LIN37: variants seen among roughly 807,000 people sequenced by gnomAD.
LIN37 encodes the protein protein lin-37 homolog.
In LIN37, 21 loss-of-function variants were observed where a neutral mutation model predicts 38.0. The observed-to-expected ratio is 0.55, with a 90% CI of 0.39 to 0.80. The LOEUF (loss-of-function observed/expected upper bound fraction) is 0.80, where lower values mean the gene tolerates loss of function less well. Ranked by LOEUF, LIN37 falls within the 30% of genes least tolerant of loss-of-function variation. LIN37 has a pLI of 0.00. For missense variants in LIN37, 273 were observed against 338.5 expected, an observed-to-expected ratio of 0.81 and a Z score of 1.52; for synonymous variants, 126 against 122.9, an observed-to-expected ratio of 1.03 and a Z score of -0.17.
intron 1 of LIN37, among the ~76,000 whole-genome samples, chr19:35,749,761 C>T (rs1329971062): frequency 1.4e-5 from 2 of 146,372 alleles, no homozygotes; most frequent in Non-Finnish European, 3.0e-5. Flanking sequence ...GCTGAGATCA[C>T]ACCACTGCAC....
Position 35,752,216 on chromosome 19 carries a change from C to T in LIN37, c.75C>T (p.Val25=), listed in dbSNP as rs1222056391. 1 of 1,607,180 alleles carries T rather than the reference C, an allele frequency of 6.2e-7. No individual in the cohort carries two copies. Among genetic ancestry groups the T allele is most frequent in the Non-Finnish European group, 8.5e-7 (1 of 1,176,890 alleles). ...MAKARNQLDA[V]LQCLLEKSHM... ...AAGCCCGGAACCAACTGGATGCTGT[C>T]TTGCAGTGTCTGCTGGAGAAGAGTC... Residue 25 remains valine (V), a synonymous_variant, in exon 2 of 9, where the codon GTC becomes GTT. Transcript: ENST00000301159.
Position 35,752,257 on chromosome 19 carries a change from CCA to C in LIN37, c.110+7_110+8del, listed in dbSNP as rs1970688704. On this transcript the variant is annotated splice_region_variant and intron_variant, in intron 2 of 8. Coordinates refer to ENST00000301159, the MANE Select transcript of LIN37 (RefSeq NM_019104.3). ...GAGAAGAGTCACATGGACAGGTAGGCCAGCGTGGGGTCACAGGGCCGGGCACC... is the reference window on the plus strand; with the variant it reads ...GAGAAGAGTCACATGGACAGGTAGGCGCGTGGGGTCACAGGGCCGGGCACC... The C allele has an allele frequency of 6.2e-7, 1 of 1,603,220 alleles. No homozygotes were observed. Among genetic ancestry groups the C allele is most frequent in the Non-Finnish European group, 8.5e-7 (1 of 1,174,816 alleles).
At chr19:35,753,354 C>G (rs976455249) in intron 6 of LIN37, 101 bp downstream of exon 6, 4 of 1,339,892 alleles carry the variant, frequency 3.0e-6, no homozygotes, top group Admixed American at 2.0e-5. Context: ...TAGACAGACA[C>G]AGGTCCCTCA....
Position 35,753,114 on chromosome 19 carries a change from G to A in LIN37, c.305G>A (p.Arg102Gln), listed in dbSNP as rs567934409. Residue 102 changes from arginine to glutamine, a missense_variant, in exon 6 of 9, where the codon CGG becomes CAG. Physicochemically the swap from Arg to Gln is conservative, Grantham distance 43. Transcript: ENST00000301159. ...SNTYVIKLFDRSVDLAQFSEN... is the reference protein window; with the variant it reads ...SNTYVIKLFDQSVDLAQFSEN... ...ACATATGTGATCAAGCTGTTCGACC[G>A]GAGCGTGGACTTGGCCCAGTTCAGC... 50 of 1,605,460 alleles carry A rather than the reference G, an allele frequency of 3.1e-5. No homozygotes were observed. The highest frequency in any genetic ancestry group is 3.9e-5 in the Non-Finnish European group (46 of 1,176,244).
chr19:35,752,570 G>A (rs181599567), intron 3 of LIN37, 86 bp downstream of exon 3: 20 of 1,446,240 alleles, frequency 1.4e-5, no homozygotes, highest in Admixed American at 1.3e-4. Flanking sequence ...TCAGCCCAGC[G>A]CTACCTCCAT....
intron 1 of LIN37, among the ~76,000 whole-genome samples, chr19:35,750,173 G>T: frequency 6.6e-6 from 1 of 151,966 alleles, no homozygotes. Context: ...GTAGGGGAGG[G>T]AGAGGGGTAT....
intron 3 of LIN37, 43 bp downstream of exon 3, chr19:35,752,527 G>C (rs1329434690): frequency 6.2e-7 from 1 of 1,603,020 alleles, no homozygotes. Flanking sequence ...GTTCGTGGTT[G>C]GTAACTTCTT....
rs1970726936 is a variant in LIN37, at chr19:35,754,457, A to T, written c.724A>T (p.Met242Leu). Residue 242 changes from methionine to leucine, a missense_variant, in exon 9 of 9, where the codon ATG becomes TTG. Physicochemically the swap from Met to Leu is conservative, Grantham distance 15. Coordinates refer to ENST00000301159, the MANE Select transcript of LIN37 (RefSeq NM_019104.3). ...YSESMKILRE[M>L]YERQ Reference sequence around the variant, plus strand: ...AGAAAGCATGAAGATCCTACGAGAGATGTACGAACGACAGTGATGTTCCCA... The same window carrying T: ...AGAAAGCATGAAGATCCTACGAGAGTTGTACGAACGACAGTGATGTTCCCA... 6.8e-6 allele frequency: 11 copies of T among 1,613,954 alleles called. No homozygotes were observed. The highest frequency in any genetic ancestry group is 8.5e-6 in the Non-Finnish European group (10 of 1,179,858).
Position 35,754,144 on chromosome 19 carries a change from C to G in LIN37, c.572C>G (p.Thr191Ser). 6.2e-7 allele frequency: 1 copy of G among 1,613,994 alleles called. No homozygotes were observed. The highest frequency in any genetic ancestry group is 1.1e-5 in the South Asian group (1 of 91,086). The change falls in exon 7 of 9, where the codon ACC becomes AGC. Residue 191 changes from threonine to serine, a missense_variant. Thr to Ser is a moderately conservative substitution (Grantham distance 58). Coordinates refer to ENST00000301159, the MANE Select transcript of LIN37 (RefSeq NM_019104.3). ...PSPLQPEMQG[T>S]PDDEPSEPEP... ...CCACTGCAGCCTGAGATGCAGGGCA[C>G]CCCTGACGATGAGGTGAGTATGCCA...
Position 35,752,910 on chromosome 19 carries a change from G to A in LIN37, c.192-4G>A, listed in dbSNP as rs191528909. 318 of 1,579,542 alleles carry A rather than the reference G, an allele frequency of 2.0e-4. No individual in the cohort carries two copies. In the African/African-American group the frequency reaches 3.5e-3, roughly 17 times the overall value. On this transcript the variant is annotated splice_region_variant and splice_polypyrimidine_tract_variant and intron_variant, in intron 4 of 8. Transcript: ENST00000301159. Reference sequence around the variant, plus strand: ...CAGTCCTGACACTCCCTCTCCCTACGCAGGCCATCTGCCCGCTTCCCCCAC... The same window carrying A: ...CAGTCCTGACACTCCCTCTCCCTACACAGGCCATCTGCCCGCTTCCCCCAC...
At chr19:35,752,565 C>A in intron 3 of LIN37, 81 bp downstream of exon 3, 3 of 1,455,166 alleles carry the variant, frequency 2.1e-6, no homozygotes, top group Non-Finnish European at 2.9e-6. Flanking sequence ...ACCGCTCAGC[C>A]CAGCGCTACC....
chr19:35,752,533 T>C, intron 3 of LIN37, 49 bp downstream of exon 3: 1 of 1,594,728 alleles, frequency 6.3e-7, no homozygotes, highest in Non-Finnish European at 8.6e-7. Context: ...GGTTGGTAAC[T>C]TCTTTCCTTA....
intron 6 of LIN37, 134 bp from the exon 7 acceptor site, chr19:35,753,883 A>G (rs1179790270): frequency 9.9e-7 from 1 of 1,008,648 alleles, no homozygotes; most frequent in Non-Finnish European, 1.5e-6. Flanking sequence ...CCCTTCATAC[A>G]TGCCTCCTGT....
intron 1 of LIN37, among the ~76,000 whole-genome samples, chr19:35,750,174 A>C (rs1028829538): frequency 1.3e-5 from 2 of 151,548 alleles, no homozygotes; most frequent in Non-Finnish European, 2.9e-5. Context: ...TAGGGGAGGG[A>C]GAGGGGTATC....
Position 35,753,205 on chromosome 19 carries a change from T to A in LIN37, c.396T>A (p.Arg132=). ...WMRNSPSVRE[R]ECSPSSPLPP... ...GCAACAGCCCCTCTGTGCGCGAGCG[T>A]GAATGCTCTCCCAGCTCACCCCTGC... The change falls in exon 6 of 9, where the codon CGT becomes CGA. Residue 132 remains arginine, a synonymous_variant. Transcript: ENST00000301159. The A allele has an allele frequency of 6.4e-7, 1 of 1,564,462 alleles. No homozygotes were observed. Among genetic ancestry groups the A allele is most frequent in the Non-Finnish European group, 8.7e-7 (1 of 1,155,014 alleles).
intron 1 of LIN37, among the ~76,000 whole-genome samples, chr19:35,750,636 A>T (rs888335220): frequency 6.6e-6 from 1 of 152,096 alleles, no homozygotes; most frequent in East Asian, 1.9e-4. Context: ...CCGAGGGGGA[A>T]AAAAAAGCCC....
At chr19:35,753,302 G>T in intron 6 of LIN37, 49 bp downstream of exon 6, 1 of 1,534,004 alleles carries the variant, frequency 6.5e-7, no homozygotes, top group Non-Finnish European at 8.7e-7. Context: ...CCAGGGCAGT[G>T]GGTGGATAGG....
chr19:35,752,739 C>G, intron 3 of LIN37, 65 bp from the exon 4 acceptor site: 1 of 1,573,528 alleles, frequency 6.4e-7, no homozygotes, highest in South Asian at 1.2e-5. Context: ...ACCAGTATCC[C>G]CAGGGTGCCC....
At chr19:35,753,734 C>T in intron 6 of LIN37, 3 of 556,634 alleles carry the variant, frequency 5.4e-6, no homozygotes, top group Non-Finnish European at 9.7e-6. Context: ...CAGACGTGAC[C>T]CCCTAGACAG....
Sources: allele counts gnomAD v4.1 joint callset (sites outside exome capture counted in the v4.1 genomes callset), GRCh38; gene constraint gnomAD v4.1.1; transcripts MANE v1.5; gene names NCBI Gene and HGNC (gene_info 2026-07-23, HGNC 2026-07-21).